Variants in UGT1A8 observed in about 807,000 individuals in gnomAD.
UGT1A8 encodes UDP-glucuronosyltransferase 1A8.
In UGT1A8, 39 loss-of-function variants were observed where a neutral mutation model predicts 45.3. The observed-to-expected ratio is 0.86, with a 90% CI of 0.67 to 1.12. The LOEUF is 1.12. Ranked by LOEUF, UGT1A8 falls within the 50% of genes most tolerant of loss-of-function variation. The pLI is 0.00. For synonymous variants in UGT1A8, 275 were observed against 249.2 expected, an observed-to-expected ratio of 1.10 and a Z score of -0.97; for missense variants, 719 against 664.9, an observed-to-expected ratio of 1.08 and a Z score of -0.90.
At chr2:233,672,519 A>G in intron 1 of UGT1A8, 1 of 1,613,930 alleles carries the variant, frequency 6.2e-7, no homozygotes, top group Non-Finnish European at 8.5e-7. Flanking sequence ...GAATTCTCTT[A>G]GGGTTCTCAG....
chr2:233,760,503 A>G, intron 1 of UGT1A8: 1 of 1,614,262 alleles, frequency 6.2e-7, no homozygotes, highest in Non-Finnish European at 8.5e-7. Flanking sequence ...GAGACGGAGC[A>G]TTTTACACCT....
At chr2:233,692,123 G>A (rs1308996203) in intron 1 of UGT1A8, 2 of 152,152 alleles carry the variant, frequency 1.3e-5, no homozygotes, top group African/African-American at 4.8e-5. Context: ...AATCAATCAT[G>A]CCTACTATGT....
chr2:233,754,879 C>T (rs1695622753), intron 1 of UGT1A8: 1 of 1,352,088 alleles, frequency 7.4e-7, no homozygotes, highest in South Asian at 1.1e-5. Flanking sequence ...CTTCTGCTTC[C>T]CAGGGAGTTC....
At chr2:233,717,640 C>T (rs1343576181) in intron 1 of UGT1A8, among the ~76,000 whole-genome samples, 19 of 152,200 alleles carry the variant, frequency 1.2e-4, no homozygotes, top group South Asian at 2.1e-4. Flanking sequence ...CATCCTGGGG[C>T]GACCAGGACA....
chr2:233,644,184 G>A (rs1200003434), intron 1 of UGT1A8, among the ~76,000 whole-genome samples: 2 of 152,210 alleles, frequency 1.3e-5, no homozygotes, highest in Admixed American at 1.3e-4. Context: ...TTGAGGCCAA[G>A]ACCATTTTGG....
chr2:233,618,871 T>C (rs2072949867), intron 1 of UGT1A8, among the ~76,000 whole-genome samples: 1 of 152,206 alleles, frequency 6.6e-6, no homozygotes. Context: ...GCTAATTCTA[T>C]GTGACCCCCT....
At chr2:233,695,050 C>T (rs1334618880) in intron 1 of UGT1A8, among the ~76,000 whole-genome samples, 1 of 152,156 alleles carries the variant, frequency 6.6e-6, no homozygotes, top group Admixed American at 6.5e-5. Flanking sequence ...ACCATAGTCA[C>T]CCTACTGTGC....
intron 1 of UGT1A8, among the ~76,000 whole-genome samples, chr2:233,668,403 G>A (rs2074120102): frequency 6.6e-6 from 1 of 152,166 alleles, no homozygotes; most frequent in African/African-American, 2.4e-5. Flanking sequence ...TTTTATGGCT[G>A]CATAGTATTC....
chr2:233,695,621 C>A (rs1180355344), intron 1 of UGT1A8, among the ~76,000 whole-genome samples: 1 of 152,022 alleles, frequency 6.6e-6, no homozygotes, highest in African/African-American at 2.4e-5. Context: ...GAACTCTCTA[C>A]CTCCATGAGA....
In UGT1A8 at chr2:233,654,671, A is replaced by T. The variant is rs2073815958; in HGVS notation, c.855+36109A>T. 3.3e-5 allele frequency among the ~76,000 whole-genome samples: 5 copies of T among 152,264 alleles called. No individual in the cohort carries two copies. The South Asian group carries it at 1.0e-3, about 31-fold the overall frequency. On this transcript the variant is annotated intron_variant, in intron 1 of 4. Coordinates refer to ENST00000373450, the MANE Select transcript of UGT1A8 (RefSeq NM_019076.5). The stretch of plus-strand genomic sequence containing the variant: ...ACATAGCAACACCAATTGCTACAGG[A>T]ATTTCTAAGCATTTCCTGCAGGGTC...
At chr2:233,706,326 T>C (rs559515349) in intron 1 of UGT1A8, among the ~76,000 whole-genome samples, 1 of 152,188 alleles carries the variant, frequency 6.6e-6, no homozygotes, top group Non-Finnish European at 1.5e-5. Flanking sequence ...TTGGAACTAT[T>C]CAAGCTGGTG....
intron 1 of UGT1A8, among the ~76,000 whole-genome samples, chr2:233,663,568 G>A (rs866348648): frequency 4.6e-5 from 7 of 152,106 alleles, no homozygotes; most frequent in Admixed American, 6.6e-5. Flanking sequence ...TCAGAATCTC[G>A]TAACCTCCAT....
At chr2:233,728,329 C>A (rs541948735) in intron 1 of UGT1A8, among the ~76,000 whole-genome samples, 12 of 152,272 alleles carry the variant, frequency 7.9e-5, no homozygotes, top group African/African-American at 2.6e-4. Context: ...GGCTCCAGCT[C>A]CCCCAGTCCC....
Position 233,752,817 on chromosome 2 carries a change from T to G in UGT1A8, c.856-14217T>G, listed in dbSNP as rs569255624. On this transcript the variant is annotated intron_variant, in intron 1 of 4. Transcript: ENST00000373450. ...CTTCTGTAGAAGGAACACTTCCCAT[T>G]TATGACATCAGTAATCTAGGATATA... Among the ~76,000 whole-genome samples the G allele has an allele frequency of 2.6e-5, 4 of 152,306 alleles. No individual in the cohort carries two copies. The East Asian group carries it at 7.7e-4, about 29-fold the overall frequency.
chr2:233,632,012 T>C (rs944024202), intron 1 of UGT1A8, among the ~76,000 whole-genome samples: 6 of 152,202 alleles, frequency 3.9e-5, no homozygotes, highest in Non-Finnish European at 7.3e-5. Context: ...AATTTTTGTA[T>C]AAGGTGTAAG....
chr2:233,731,991 A>G (rs989443870), intron 1 of UGT1A8, among the ~76,000 whole-genome samples: 3 of 152,160 alleles, frequency 2.0e-5, no homozygotes, highest in Non-Finnish European at 2.9e-5. Context: ...CTGGCGTGAG[A>G]TGGTATCTCA....
intron 1 of UGT1A8, among the ~76,000 whole-genome samples, chr2:233,658,335 G>A (rs1277120270): frequency 1.3e-5 from 2 of 152,062 alleles, no homozygotes; most frequent in Middle Eastern, 3.2e-3. Context: ...ATGGTTAAAT[G>A]TTACGTTACT....
chr2:233,711,925 CT>C (rs1575497167), intron 1 of UGT1A8, among the ~76,000 whole-genome samples: 1 of 152,210 alleles, frequency 6.6e-6, no homozygotes, highest in East Asian at 1.9e-4. Flanking sequence ...CTCAGGGTCT[CT>C]CCATTAGAAA....
Position 233,637,271 on chromosome 2 carries a change from T to G in UGT1A8, c.855+18709T>G, listed in dbSNP as rs2073322460. On this transcript the variant is annotated intron_variant, in intron 1 of 4. Transcript: ENST00000373450. ...TATGATCTCTACAGTCACACATCAATTTGGTTGTTGCGAACGGACTTTGTT... is the reference window on the plus strand; with the variant it reads ...TATGATCTCTACAGTCACACATCAAGTTGGTTGTTGCGAACGGACTTTGTT... 5 of 1,613,944 alleles carry G rather than the reference T, an allele frequency of 3.1e-6. No individual in the cohort carries two copies. In the South Asian group the frequency reaches 4.4e-5, roughly 14 times the overall value.
Sources: allele counts gnomAD v4.1 joint callset (sites outside exome capture counted in the v4.1 genomes callset), GRCh38; gene constraint gnomAD v4.1.1; transcripts MANE v1.5; gene names NCBI Gene and HGNC (gene_info 2026-07-23, HGNC 2026-07-21).